The following CEP70 variants were observed in gnomAD, a reference collection of about 807,000 sequenced individuals.
CEP70 encodes the protein centrosomal protein of 70 kDa.
In CEP70, 70 loss-of-function variants were observed where a neutral mutation model predicts 90.9. The ratio of observed to expected loss-of-function variants is 0.77; its 90% CI spans 0.64 to 0.94. The LOEUF (loss-of-function observed/expected upper bound fraction) is 0.94, where lower values mean the gene tolerates loss of function less well. Ranked by LOEUF, CEP70 falls within the 40% of genes least tolerant of loss-of-function variation. The probability of loss-of-function intolerance (pLI) is 0.00; values close to 1 mark genes in which losing one functional copy is unlikely to be tolerated. For synonymous variants in CEP70, 220 were observed against 228.3 expected (o/e 0.96, Z 0.33); for missense variants, 648 against 669.0 (o/e 0.97, Z 0.35).
At chr3:138,542,576 G>A (rs117774071) in intron 6 of CEP70, among the ~76,000 whole-genome samples, 1 of 152,322 alleles carries the variant, frequency 6.6e-6, no homozygotes, top group African/African-American at 2.4e-5. Context: ...GCTTCCCATT[G>A]CATGGCGCAG....
At chr3:138,511,721 T>TAGG (rs1413614312) in intron 11 of CEP70, among the ~76,000 whole-genome samples, 1 of 152,186 alleles carries the variant, frequency 6.6e-6, no homozygotes, top group Non-Finnish European at 1.5e-5. Context: ...TGATAACTAG[T>TAGG]AGGTACTGAG....
chr3:138,573,017 G>A (rs1411843506), intron 2 of CEP70, 85 bp from the exon 3 acceptor site: 16 of 899,700 alleles, frequency 1.8e-5, no homozygotes, highest in Admixed American at 1.2e-4. Context: ...TGCAAAAGGA[G>A]TTAAAGAAAA....
rs1294445070 is a variant in CEP70, at chr3:138,572,921, G to C, written c.7C>G (p.Pro3Ala). MF[P>A]VAPKPQDSSQ... Reference sequence around the variant, plus strand: ...GAATCCTGGGGTTTAGGGGCTACCGGAAACATAGTTACTTTTGTAGAATCA... The same window carrying C: ...GAATCCTGGGGTTTAGGGGCTACCGCAAACATAGTTACTTTTGTAGAATCA... Residue 3 changes from proline to alanine, a missense_variant, in exon 3 of 18, where the codon CCG becomes GCG. Physicochemically the swap from Pro to Ala is conservative, Grantham distance 27. Transcript: ENST00000264982. The C allele has an allele frequency of 6.2e-7, 1 of 1,609,166 alleles. No homozygotes were observed. The highest frequency in any genetic ancestry group is 8.5e-7 in the Non-Finnish European group (1 of 1,176,910).
chr3:138,523,010 A>C (rs2036827833), intron 11 of CEP70, among the ~76,000 whole-genome samples: 1 of 152,222 alleles, frequency 6.6e-6, no homozygotes, highest in South Asian at 2.1e-4. Flanking sequence ...GCAGCACATC[A>C]AAAAGCTTAT....
chr3:138,502,778 T>C (rs2034633486), intron 13 of CEP70, among the ~76,000 whole-genome samples: 1 of 152,174 alleles, frequency 6.6e-6, no homozygotes, highest in Non-Finnish European at 1.5e-5. Flanking sequence ...TAAGAGGGTC[T>C]CCTAGGTTCT....
At chr3:138,578,463 A>T (rs1408361114) in intron 2 of CEP70, among the ~76,000 whole-genome samples, 1 of 152,208 alleles carries the variant, frequency 6.6e-6, no homozygotes, top group Admixed American at 6.5e-5. Context: ...CCTAGAAGAA[A>T]AACAGAAGAT....
At chr3:138,553,808 T>C (rs2039799689) in intron 6 of CEP70, among the ~76,000 whole-genome samples, 1 of 152,116 alleles carries the variant, frequency 6.6e-6, no homozygotes, top group Non-Finnish European at 1.5e-5. Flanking sequence ...GCAGGGATAG[T>C]TTAACATACA....
Position 138,500,184 on chromosome 3 carries a change from T to C in CEP70, c.1578A>G (p.Gly526=). ...CTTCATTAATCAGCCTACAGAGTTT[T>C]CCAACAGTGCTTACTAGCACACACA... The part of the protein sequence containing the change: ...SSLCVLVSTV[G]KLCRLINEDV... The change falls in exon 16 of 18, where the codon GGA becomes GGG. Residue 526 remains glycine, a synonymous_variant. Transcript: ENST00000264982. 6.2e-7 allele frequency: 1 copy of C among 1,613,852 alleles called. No individual in the cohort carries two copies.
chr3:138,530,470 G>T, intron 8 of CEP70: 1 of 355,330 alleles, frequency 2.8e-6, no homozygotes, highest in Non-Finnish European at 3.9e-6. Flanking sequence ...TTCCCAATGT[G>T]TTTATTTTAC....
At chr3:138,535,578 TA>T (rs986152160) in intron 7 of CEP70, among the ~76,000 whole-genome samples, 26 of 152,274 alleles carry the variant, frequency 1.7e-4, no homozygotes, top group African/African-American at 6.0e-4. Context: ...GTATTTCCAA[TA>T]GGTTTAATTC....
chr3:138,580,966 C>T (rs1014838557), intron 2 of CEP70, among the ~76,000 whole-genome samples: 7 of 151,986 alleles, frequency 4.6e-5, no homozygotes, highest in Non-Finnish European at 8.8e-5. Context: ...TGAAAATACA[C>T]GGTCAGAGGA....
At chr3:138,581,152 G>A (rs1044584795) in intron 2 of CEP70, among the ~76,000 whole-genome samples, 1 of 151,988 alleles carries the variant, frequency 6.6e-6, no homozygotes, top group Non-Finnish European at 1.5e-5. Context: ...GGGCATGGTG[G>A]CGTGTGCCAG....
chr3:138,505,142 G>A (rs941331977), intron 13 of CEP70, among the ~76,000 whole-genome samples, 153 bp downstream of exon 13: 3 of 152,028 alleles, frequency 2.0e-5, no homozygotes, highest in Non-Finnish European at 4.4e-5. Flanking sequence ...GGAAGATTTC[G>A]GTTTTAGATA....
chr3:138,568,439 A>C (rs2040933711), intron 6 of CEP70, among the ~76,000 whole-genome samples: 1 of 152,126 alleles, frequency 6.6e-6, no homozygotes, highest in Non-Finnish European at 1.5e-5. Flanking sequence ...TTCCCCCAAC[A>C]AAGACCACTG....
In CEP70 at chr3:138,531,342, C is replaced by A. The variant is rs191775291; in HGVS notation, c.692+1172G>T. Among the ~76,000 whole-genome samples, 37 of 152,158 alleles carry A rather than the reference C, an allele frequency of 2.4e-4. No individual in the cohort carries two copies. The East Asian group carries it at 6.6e-3, about 27-fold the overall frequency. On this transcript the variant is annotated intron_variant, in intron 8 of 17. Coordinates refer to ENST00000264982, the MANE Select transcript of CEP70 (RefSeq NM_024491.4). Reference sequence around the variant, plus strand: ...TCCTGATGGATATGTTATGTTAAATCTTTTCTACTCTTACTAAAAACCCCA... The same window carrying A: ...TCCTGATGGATATGTTATGTTAAATATTTTCTACTCTTACTAAAAACCCCA...
intron 11 of CEP70, among the ~76,000 whole-genome samples, chr3:138,522,673 G>C (rs2036790348): frequency 6.6e-6 from 1 of 152,120 alleles, no homozygotes; most frequent in Non-Finnish European, 1.5e-5. Flanking sequence ...GACTAAACCA[G>C]GAAGAAGTTG....
intron 2 of CEP70, among the ~76,000 whole-genome samples, chr3:138,581,307 A>G (rs2041844217): frequency 6.6e-6 from 1 of 151,860 alleles, no homozygotes. Context: ...GAAAGAAAAG[A>G]AAAAAGAATG....
At chr3:138,560,761 G>T (rs746091118) in intron 6 of CEP70, among the ~76,000 whole-genome samples, 4 of 152,068 alleles carry the variant, frequency 2.6e-5, no homozygotes, top group Admixed American at 2.6e-4. Flanking sequence ...CCAGAAGTTC[G>T]AACTAGATGG....
chr3:138,567,201 G>C (rs192904899), intron 6 of CEP70, among the ~76,000 whole-genome samples: 347 of 152,152 alleles, frequency 2.3e-3, no homozygotes, highest in Admixed American at 4.1e-3. Context: ...AAATTTCCTT[G>C]ACCTCTTTGC....
Sources: allele counts gnomAD v4.1 joint callset (sites outside exome capture counted in the v4.1 genomes callset), GRCh38; gene constraint gnomAD v4.1.1; transcripts MANE v1.5; gene names NCBI Gene and HGNC (gene_info 2026-07-23, HGNC 2026-07-21).